The following TNFSF4 variants were observed in gnomAD, a reference collection of about 807,000 sequenced individuals.
TNFSF4 encodes tumor necrosis factor ligand superfamily member 4.
In TNFSF4, 4 loss-of-function variants were observed where a neutral mutation model predicts 7.3. The observed-to-expected ratio is 0.55, with a 90% CI of 0.27 to 1.25. The LOEUF is 1.25. TNFSF4 is among the 50% of genes most tolerant of loss of function. TNFSF4 has a pLI of 0.12. For synonymous variants in TNFSF4, 76 were observed against 83.7 expected (o/e 0.91, Z 0.50); for missense variants, 181 against 208.8 (o/e 0.87, Z 0.82).
the TNFSF4 span, among the ~76,000 whole-genome samples, chr1:173,274,124 TAC>T: frequency 1.6e-3 from 231 of 145,074 alleles, 1 homozygote; most frequent in African/African-American, 2.1e-3. Context: ...TCCATGTTCA[TAC>T]ACACACACAC....
chr1:173,202,781 C>T (rs1440559862), intron 1 of TNFSF4, among the ~76,000 whole-genome samples: 1 of 152,168 alleles, frequency 6.6e-6, no homozygotes, highest in African/African-American at 2.4e-5. Context: ...CCCACAGGAA[C>T]ACTCAACTTG....
the TNFSF4 span, among the ~76,000 whole-genome samples, chr1:173,324,354 C>G: frequency 6.6e-6 from 1 of 152,156 alleles, no homozygotes; most frequent in African/African-American, 2.4e-5. Flanking sequence ...AAGAGAGCTC[C>G]TGAAGGAAGC....
the TNFSF4 span, among the ~76,000 whole-genome samples, chr1:173,287,515 T>A: frequency 6.6e-6 from 1 of 152,178 alleles, no homozygotes; most frequent in Non-Finnish European, 1.5e-5. Context: ...CGTTCAGTGA[T>A]ATCTACTAAG....
chr1:173,314,568 A>G, the TNFSF4 span, among the ~76,000 whole-genome samples: 5 of 152,256 alleles, frequency 3.3e-5, no homozygotes, highest in East Asian at 9.7e-4. Context: ...CTGTGCATGC[A>G]TCACTGGAAT....
upstream of TNFSF4, among the ~76,000 whole-genome samples, chr1:173,207,674 T>C (rs1025239312): frequency 2.0e-5 from 3 of 152,168 alleles, no homozygotes; most frequent in African/African-American, 7.2e-5. Context: ...GGCCCAAGGT[T>C]CTTATCTGCA....
chr1:173,447,832 G>A, the TNFSF4 span, among the ~76,000 whole-genome samples: 14 of 151,796 alleles, frequency 9.2e-5, no homozygotes, highest in African/African-American at 2.7e-4. Flanking sequence ...TTAAAACATC[G>A]AGTTTGTCAA....
At chr1:173,323,235 C>T in the TNFSF4 span, among the ~76,000 whole-genome samples, 3 of 152,300 alleles carry the variant, frequency 2.0e-5, no homozygotes, top group Non-Finnish European at 4.4e-5. Flanking sequence ...CACCAATATC[C>T]ACTGTTCTGC....
chr1:173,335,266 G>A, the TNFSF4 span, among the ~76,000 whole-genome samples: 1 of 152,102 alleles, frequency 6.6e-6, no homozygotes, highest in Admixed American at 6.5e-5. Context: ...GAATGTTAGA[G>A]TGGATATGTT....
chr1:173,320,995 A>T, the TNFSF4 span, among the ~76,000 whole-genome samples: 2 of 152,346 alleles, frequency 1.3e-5, no homozygotes, highest in Non-Finnish European at 2.9e-5. Flanking sequence ...TTTCGTATGG[A>T]ACCAAAAAAG....
the TNFSF4 span, among the ~76,000 whole-genome samples, chr1:173,216,227 A>G: frequency 3.3e-5 from 5 of 152,092 alleles, no homozygotes; most frequent in Non-Finnish European, 7.4e-5. Flanking sequence ...ATCCCCTTAC[A>G]TGGGCATCTA....
At chr1:173,204,314 AG>A (rs1650083889) in intron 1 of TNFSF4, among the ~76,000 whole-genome samples, 1 of 152,244 alleles carries the variant, frequency 6.6e-6, no homozygotes, top group East Asian at 1.9e-4. Flanking sequence ...ATAAAAATCA[AG>A]GCTCAAAGAG....
chr1:173,181,438 G>T (rs1390418819), downstream of TNFSF4, among the ~76,000 whole-genome samples: 1 of 152,184 alleles, frequency 6.6e-6, no homozygotes, highest in South Asian at 2.1e-4. Flanking sequence ...CTAAAAGTCT[G>T]TGTTTCCGCT....
chr1:173,331,847 T>C, the TNFSF4 span, among the ~76,000 whole-genome samples: 1 of 152,192 alleles, frequency 6.6e-6, no homozygotes, highest in African/African-American at 2.4e-5. Flanking sequence ...AGGTGAAACT[T>C]CTTTGCAAAT....
the TNFSF4 span, among the ~76,000 whole-genome samples, chr1:173,409,432 T>C: frequency 1.3e-5 from 2 of 152,302 alleles, no homozygotes; most frequent in East Asian, 3.9e-4. Context: ...TAGAAGAATG[T>C]CCTTGGGTCC....
At chr1:173,205,457 C>T in intron 1 of TNFSF4, 3 of 1,547,666 alleles carry the variant, frequency 1.9e-6, no homozygotes, top group Non-Finnish European at 2.6e-6. Flanking sequence ...GTGACCCCAA[C>T]CACCAGCAAG....
chr1:173,209,098 T>C (rs1028283923), upstream of TNFSF4, among the ~76,000 whole-genome samples: 2 of 152,228 alleles, frequency 1.3e-5, no homozygotes, highest in Admixed American at 6.5e-5. Context: ...AACACTTGGA[T>C]GACACACCTC....
chr1:173,217,245 C>T, the TNFSF4 span, among the ~76,000 whole-genome samples: 1 of 152,204 alleles, frequency 6.6e-6, no homozygotes, highest in Non-Finnish European at 1.5e-5. Context: ...CATAGCTGTG[C>T]TCAACACATG....
At chr1:173,447,195 A>T in the TNFSF4 span, among the ~76,000 whole-genome samples, 1 of 152,236 alleles carries the variant, frequency 6.6e-6, no homozygotes, top group Non-Finnish European at 1.5e-5. Context: ...AAAAGTATAG[A>T]AACAGTAAAA....
chr1:173,225,208 G>A, the TNFSF4 span, among the ~76,000 whole-genome samples: 1 of 152,094 alleles, frequency 6.6e-6, no homozygotes, highest in African/African-American at 2.4e-5. Flanking sequence ...CCTTCTCCAG[G>A]CACCCTAACA....
Sources: gnomAD v4.1 joint callset for allele counts (sites outside exome capture counted in the v4.1 genomes callset) on GRCh38, gnomAD v4.1.1 for gene constraint, MANE v1.5 for transcripts, NCBI Gene and HGNC (gene_info 2026-07-23, HGNC 2026-07-21) for gene names.